Variants in CAMK2D observed in about 807,000 individuals in gnomAD.
CAMK2D encodes calcium/calmodulin-dependent protein kinase type II subunit delta.
A neutral mutation model predicts 84.0 loss-of-function variants in CAMK2D; 37 were observed. That is an observed-to-expected ratio of 0.44 (90% CI 0.34 to 0.58). The LOEUF is 0.58. Among genes scored for constraint, CAMK2D ranks in the 20% least tolerant of loss-of-function variants. The pLI, the probability that CAMK2D is intolerant of heterozygous loss-of-function variation, is 0.02. For missense variants in CAMK2D, 448 were observed against 652.5 expected (o/e 0.69, Z 3.41); for synonymous variants, 202 against 212.5 (o/e 0.95, Z 0.43).
chr4:113,664,611 AG>A (rs2099250340), intron 2 of CAMK2D, among the ~76,000 whole-genome samples: 1 of 152,188 alleles, frequency 6.6e-6, no homozygotes, highest in Admixed American at 6.5e-5. Flanking sequence ...AAGTCACCAA[AG>A]GGAAGAGTAT....
intron 2 of CAMK2D, among the ~76,000 whole-genome samples, chr4:113,732,103 T>C (rs1272894472): frequency 6.6e-6 from 1 of 151,970 alleles, no homozygotes; most frequent in Admixed American, 6.6e-5. Context: ...GTCTAGACTC[T>C]TGGGACATCA....
intron 16 of CAMK2D, among the ~76,000 whole-genome samples, chr4:113,467,668 A>G (rs1214109136): frequency 1.3e-5 from 2 of 152,256 alleles, no homozygotes; most frequent in Non-Finnish European, 2.9e-5. Flanking sequence ...ATGAATATCA[A>G]TAATACATTC....
chr4:113,716,997 A>T (rs1189451175), intron 2 of CAMK2D, among the ~76,000 whole-genome samples: 1 of 152,184 alleles, frequency 6.6e-6, no homozygotes, highest in Non-Finnish European at 1.5e-5. Flanking sequence ...TGGGAATTAA[A>T]TGTTTGAAGG....
intron 4 of CAMK2D, among the ~76,000 whole-genome samples, chr4:113,572,732 C>T (rs1487357571): frequency 6.6e-6 from 1 of 152,068 alleles, no homozygotes; most frequent in Non-Finnish European, 1.5e-5. Flanking sequence ...GGTGTTTTCT[C>T]AAAGAGCTAA....
chr4:113,485,148 A>C (rs374548925), intron 16 of CAMK2D, among the ~76,000 whole-genome samples: 1 of 152,202 alleles, frequency 6.6e-6, no homozygotes, highest in East Asian at 1.9e-4. Flanking sequence ...AGACCTACTT[A>C]ACAAATGGAG....
At chr4:113,734,189 C>T (rs1391262191) in intron 2 of CAMK2D, among the ~76,000 whole-genome samples, 1 of 152,068 alleles carries the variant, frequency 6.6e-6, no homozygotes, top group East Asian at 1.9e-4. Context: ...CTAAGAAACA[C>T]AGAAGATGAA....
At chr4:113,690,834 T>C (rs182711121) in intron 2 of CAMK2D, among the ~76,000 whole-genome samples, 44 of 152,334 alleles carry the variant, frequency 2.9e-4, no homozygotes, top group African/African-American at 9.9e-4. Flanking sequence ...CAAAAATGGC[T>C]GTTCTGTATT....
At chr4:113,565,421 C>T (rs6848203) in intron 4 of CAMK2D, among the ~76,000 whole-genome samples, 5,935 of 152,108 alleles carry the variant, frequency 0.039, 399 homozygotes, top group African/African-American at 0.13. Context: ...GAGGCCAAGG[C>T]GGGTGGATCA....
chr4:113,641,235 T>C (rs10001443), intron 3 of CAMK2D, among the ~76,000 whole-genome samples: 6,277 of 152,114 alleles, frequency 0.041, 406 homozygotes, highest in African/African-American at 0.14. Flanking sequence ...GCTTGTAGAG[T>C]AGAAACATGA....
At chr4:113,637,801 C>T (rs1272937099) in intron 3 of CAMK2D, among the ~76,000 whole-genome samples, 1 of 151,978 alleles carries the variant, frequency 6.6e-6, no homozygotes, top group East Asian at 1.9e-4. Flanking sequence ...GGTTCCCAGG[C>T]CTCTACCATG....
At chr4:113,550,236 G>A (rs2098615644) in intron 5 of CAMK2D, among the ~76,000 whole-genome samples, 1 of 152,186 alleles carries the variant, frequency 6.6e-6, no homozygotes, top group African/African-American at 2.4e-5. Context: ...CTGGAGTGCA[G>A]TGGCATGATC....
chr4:113,711,628 A>T (rs1055914849), intron 2 of CAMK2D, among the ~76,000 whole-genome samples: 1 of 152,182 alleles, frequency 6.6e-6, no homozygotes, highest in Non-Finnish European at 1.5e-5. Context: ...ACATGGAACT[A>T]GCCTTTATGT....
intron 3 of CAMK2D, among the ~76,000 whole-genome samples, chr4:113,621,120 C>T (rs1254975092): frequency 1.3e-5 from 2 of 152,020 alleles, no homozygotes; most frequent in Non-Finnish European, 2.9e-5. Flanking sequence ...CGAGGTCTCA[C>T]TACGTTGTCT....
At chr4:113,486,573 T>A (rs2097767593) in intron 16 of CAMK2D, among the ~76,000 whole-genome samples, 1 of 152,226 alleles carries the variant, frequency 6.6e-6, no homozygotes, top group African/African-American at 2.4e-5. Flanking sequence ...TGATTGCATT[T>A]TTACTTTATG....
intron 2 of CAMK2D, among the ~76,000 whole-genome samples, chr4:113,724,286 T>C (rs2099539614): frequency 6.6e-6 from 1 of 152,192 alleles, no homozygotes; most frequent in South Asian, 2.1e-4. Context: ...TATACTTTTT[T>C]TCTTTTTACG....
At chr4:113,626,449 ATTG>A (rs1231912817) in intron 3 of CAMK2D, among the ~76,000 whole-genome samples, 33 of 152,226 alleles carry the variant, frequency 2.2e-4, no homozygotes, top group Non-Finnish European at 4.1e-4. Flanking sequence ...ATTAAAGGAA[ATTG>A]TTATTAAACA....
intron 3 of CAMK2D, among the ~76,000 whole-genome samples, chr4:113,657,444 T>C (rs921772058): frequency 6.6e-6 from 1 of 152,126 alleles, no homozygotes; most frequent in African/African-American, 2.4e-5. Flanking sequence ...AGAAATTTTG[T>C]TGGGTGAGAC....
intron 6 of CAMK2D, among the ~76,000 whole-genome samples, chr4:113,539,568 A>G (rs2098516246): frequency 1.3e-5 from 2 of 152,228 alleles, no homozygotes; most frequent in African/African-American, 4.8e-5. Flanking sequence ...GAAATGGAAC[A>G]TCTTAGAGTT....
intron 14 of CAMK2D, among the ~76,000 whole-genome samples, chr4:113,504,244 C>T (rs1388961214): frequency 1.3e-5 from 2 of 152,140 alleles, no homozygotes; most frequent in Non-Finnish European, 2.9e-5. Context: ...CACTGAATGA[C>T]AGTATTCAAA....
Sources: allele counts gnomAD v4.1 joint callset (sites outside exome capture counted in the v4.1 genomes callset), GRCh38; gene constraint gnomAD v4.1.1; transcripts MANE v1.5; gene names NCBI Gene and HGNC (gene_info 2026-07-23, HGNC 2026-07-21).